KCNQ5: variants seen among roughly 807,000 people sequenced by gnomAD.
KCNQ5 encodes potassium voltage-gated channel subfamily Q member 5.
KCNQ5 carries 30 observed loss-of-function variants against 98.2 expected under a neutral mutation model. The ratio of observed to expected loss-of-function variants is 0.31; its 90% CI spans 0.23 to 0.41. The LOEUF is 0.41. KCNQ5 is among the 10% of genes least tolerant of loss of function. The pLI, the probability that KCNQ5 is intolerant of heterozygous loss-of-function variation, is 1.00. For missense variants in KCNQ5, 835 were observed against 1,182.5 expected, an observed-to-expected ratio of 0.71 and a Z score of 4.31; for synonymous variants, 458 against 449.4, an observed-to-expected ratio of 1.02 and a Z score of -0.24.
chr6:73,124,940 T>G (rs1442201511), intron 9 of KCNQ5, among the ~76,000 whole-genome samples: 2 of 39,806 alleles, frequency 5.0e-5, no homozygotes, highest in African/African-American at 3.6e-4. Flanking sequence ...TGGAGTGATA[T>G]ATATATATAT....
At chr6:73,032,675 C>T (rs1474430169) in intron 2 of KCNQ5, among the ~76,000 whole-genome samples, 2 of 152,142 alleles carry the variant, frequency 1.3e-5, no homozygotes, top group African/African-American at 2.4e-5. Flanking sequence ...TAACAGAATA[C>T]ATATCTGGGT....
intron 1 of KCNQ5, among the ~76,000 whole-genome samples, chr6:72,628,679 A>C (rs1346740612): frequency 6.6e-6 from 1 of 151,986 alleles, no homozygotes; most frequent in Non-Finnish European, 1.5e-5. Flanking sequence ...GTGTGATCTC[A>C]GCTCACTCCA....
chr6:73,166,196 G>A (rs1235647516), intron 10 of KCNQ5, among the ~76,000 whole-genome samples: 2 of 152,016 alleles, frequency 1.3e-5, no homozygotes, highest in African/African-American at 4.8e-5. Context: ...ACTTTGGGAG[G>A]CCAAGGCAGG....
At chr6:73,147,258 G>A (rs542104549) in intron 10 of KCNQ5, among the ~76,000 whole-genome samples, 2 of 152,036 alleles carry the variant, frequency 1.3e-5, no homozygotes, top group East Asian at 3.9e-4. Flanking sequence ...GCACAGAATA[G>A]GTGCTCAATA....
At chr6:73,188,403 C>T (rs1765460322) in intron 11 of KCNQ5, among the ~76,000 whole-genome samples, 1 of 152,202 alleles carries the variant, frequency 6.6e-6, no homozygotes, top group Non-Finnish European at 1.5e-5. Flanking sequence ...AGCAAAACCA[C>T]CTTGGGATAT....
intron 1 of KCNQ5, among the ~76,000 whole-genome samples, chr6:72,826,618 T>A (rs1776009205): frequency 6.6e-6 from 1 of 152,128 alleles, no homozygotes; most frequent in Non-Finnish European, 1.5e-5. Context: ...ATTATACATT[T>A]TCATGTGATA....
chr6:73,154,776 C>G (rs1777290101), intron 10 of KCNQ5, among the ~76,000 whole-genome samples: 1 of 151,978 alleles, frequency 6.6e-6, no homozygotes, highest in Non-Finnish European at 1.5e-5. Context: ...TTTTCATGGG[C>G]TAATAGGGGA....
At chr6:72,675,847 C>G (rs539769191) in intron 1 of KCNQ5, among the ~76,000 whole-genome samples, 54 of 152,088 alleles carry the variant, frequency 3.6e-4, no homozygotes, top group Non-Finnish European at 7.2e-4. Flanking sequence ...GGAGCATTGG[C>G]TTAGAAAAAT....
intron 1 of KCNQ5, among the ~76,000 whole-genome samples, chr6:72,700,635 C>T (rs1768755322): frequency 6.6e-6 from 1 of 152,166 alleles, no homozygotes; most frequent in African/African-American, 2.4e-5. Context: ...TAAATTCTAG[C>T]AGATACAAGA....
chr6:72,680,591 A>T (rs1291440597), intron 1 of KCNQ5, among the ~76,000 whole-genome samples: 1 of 152,218 alleles, frequency 6.6e-6, no homozygotes, highest in Non-Finnish European at 1.5e-5. Flanking sequence ...ATACCTTCAG[A>T]AAGAAAAACC....
At chr6:72,790,013 C>T (rs1408736919) in intron 1 of KCNQ5, among the ~76,000 whole-genome samples, 1 of 152,028 alleles carries the variant, frequency 6.6e-6, no homozygotes, top group African/African-American at 2.4e-5. Flanking sequence ...GATCCTGCAG[C>T]GTCCAAATAG....
intron 1 of KCNQ5, among the ~76,000 whole-genome samples, chr6:72,748,550 G>A (rs1438140232): frequency 6.6e-6 from 1 of 152,082 alleles, no homozygotes; most frequent in Non-Finnish European, 1.5e-5. Context: ...AGAAAAGACT[G>A]TAAATTCCTA....
chr6:72,878,125 C>T lies in KCNQ5; in HGVS notation c.399-125783C>T, dbSNP rs145949720. Among the ~76,000 whole-genome samples the T allele has an allele frequency of 4.9e-4, 74 of 152,222 alleles. 2 individuals are homozygous for T. The East Asian group carries it at 0.012, about 25-fold the overall frequency. On this transcript the variant is annotated intron_variant, in intron 1 of 13. Transcript: ENST00000370398. ...GTCTCTACTAAATACAAAAAATTAGCGGGGCATGGTGGCATATGCCTGTAA... is the reference window on the plus strand; with the variant it reads ...GTCTCTACTAAATACAAAAAATTAGTGGGGCATGGTGGCATATGCCTGTAA...
chr6:72,738,204 T>A (rs1281763203), intron 1 of KCNQ5, among the ~76,000 whole-genome samples: 3 of 151,992 alleles, frequency 2.0e-5, no homozygotes, highest in Non-Finnish European at 4.4e-5. Flanking sequence ...CTTTGAAAAG[T>A]AATACCTTAC....
intron 1 of KCNQ5, among the ~76,000 whole-genome samples, chr6:72,943,880 C>T (rs1766421549): frequency 6.6e-6 from 1 of 152,214 alleles, no homozygotes; most frequent in South Asian, 2.1e-4. Context: ...TATTACATGC[C>T]TAGTACTCTT....
At chr6:73,059,397 C>T (rs140117294) in intron 3 of KCNQ5, among the ~76,000 whole-genome samples, 4 of 152,146 alleles carry the variant, frequency 2.6e-5, no homozygotes, top group African/African-American at 7.2e-5. Context: ...ACAACAGACG[C>T]GTAAGCCTAC....
At chr6:72,623,808 CG>C (rs1261212934) in intron 1 of KCNQ5, among the ~76,000 whole-genome samples, 1 of 152,154 alleles carries the variant, frequency 6.6e-6, no homozygotes, top group East Asian at 1.9e-4. Flanking sequence ...TTTGAGCACA[CG>C]GACTAGGTTT....
At position 73,139,653 on chromosome 6, in the gene KCNQ5, G is replaced by C. The variant is rs370284074; in HGVS notation, c.1468+6012G>C. Among the ~76,000 whole-genome samples the C allele has an allele frequency of 7.9e-5, 12 of 152,194 alleles. No homozygotes were observed. In the East Asian group the frequency reaches 2.1e-3, roughly 27 times the overall value. ...TGAAACAACAAGCATAGACTAGACT[G>C]TCTCCTTGAATTTCAAATGAAAGGC... is the stretch of plus-strand genomic sequence containing the variant. On this transcript the variant is annotated intron_variant, in intron 10 of 13. Transcript: ENST00000370398.
At chr6:73,008,735 C>T (rs1433052983) in intron 2 of KCNQ5, among the ~76,000 whole-genome samples, 1 of 152,140 alleles carries the variant, frequency 6.6e-6, no homozygotes, top group Non-Finnish European at 1.5e-5. Flanking sequence ...AAACAGAAGA[C>T]TTAACACAAT....
Sources: allele counts gnomAD v4.1 joint callset (sites outside exome capture counted in the v4.1 genomes callset), GRCh38; gene constraint gnomAD v4.1.1; transcripts MANE v1.5; gene names NCBI Gene and HGNC (gene_info 2026-07-23, HGNC 2026-07-21).